SAP30BP: variants seen among roughly 807,000 people sequenced by gnomAD.
SAP30BP encodes the protein SAP30 binding protein, also known as SAP30-binding protein.
SAP30BP carries 31 observed loss-of-function variants against 46.3 expected under a neutral mutation model. The observed-to-expected ratio is 0.67, with a 90% CI of 0.50 to 0.90. The LOEUF (loss-of-function observed/expected upper bound fraction) is 0.90, where lower values mean the gene tolerates loss of function less well. Ranked by LOEUF, SAP30BP falls within the 40% of genes least tolerant of loss-of-function variation. The pLI is 0.00. For synonymous variants in SAP30BP, 169 were observed against 144.2 expected (o/e 1.17, Z -1.23); for missense variants, 312 against 391.0 (o/e 0.80, Z 1.70).
intron 5 of SAP30BP, 199 bp downstream of exon 5, chr17:75,700,070 G>T: frequency 2.3e-6 from 1 of 427,302 alleles, no homozygotes; most frequent in Non-Finnish European, 4.3e-6. Flanking sequence ...TACACCCACC[G>T]CCATGTCCCG....
chr17:75,692,712 G>T, intron 3 of SAP30BP: 1 of 158,232 alleles, frequency 6.3e-6, no homozygotes, highest in East Asian at 1.9e-4. Context: ...TGTGGATGTA[G>T]CTGTCATGGG....
intron 3 of SAP30BP, among the ~76,000 whole-genome samples, chr17:75,681,294 A>G (rs1478105713): frequency 6.6e-6 from 1 of 152,204 alleles, no homozygotes; most frequent in Non-Finnish European, 1.5e-5. Context: ...TAAGAGTTCC[A>G]GAGTGGGGGC....
intron 7 of SAP30BP, 79 bp downstream of exon 7, chr17:75,703,450 C>A: frequency 7.6e-7 from 1 of 1,319,734 alleles, no homozygotes; most frequent in Non-Finnish European, 1.1e-6. Flanking sequence ...TGACCTGCAG[C>A]CACAGAAAGG....
intron 3 of SAP30BP, among the ~76,000 whole-genome samples, chr17:75,673,214 T>A (rs1041764870): frequency 5.9e-5 from 9 of 152,054 alleles, no homozygotes; most frequent in African/African-American, 1.7e-4. Flanking sequence ...GGCGCCAGCA[T>A]GCAGGAGGGA....
intron 6 of SAP30BP, 44 bp from the exon 7 acceptor site, chr17:75,703,267 G>A (rs762009286): frequency 6.3e-7 from 1 of 1,596,210 alleles, no homozygotes. Flanking sequence ...TCCCATGCAG[G>A]GACGTGGACT....
intron 3 of SAP30BP, among the ~76,000 whole-genome samples, chr17:75,685,313 T>C (rs1025114340): frequency 1.3e-5 from 2 of 152,216 alleles, no homozygotes; most frequent in Non-Finnish European, 2.9e-5. Context: ...CTTCGTTCTG[T>C]ATTTTCATCC....
rs1445816849 is a variant in SAP30BP at position 75,684,210 on chromosome 17, C to T, written c.265-9230C>T. On this transcript the variant is annotated intron_variant, in intron 3 of 10. Coordinates refer to ENST00000584667, the MANE Select transcript of SAP30BP (RefSeq NM_013260.8). The stretch of plus-strand genomic sequence containing the variant: ...GGGTGAGCTGCTTCATTGTGTTTTA[C>T]CTCAGTTTACTCGTGTGCAAAATGG... 2.0e-5 allele frequency among the ~76,000 whole-genome samples: 3 copies of T among 152,296 alleles called. No homozygotes were observed. The East Asian group carries it at 5.8e-4, about 29-fold the overall frequency.
intron 3 of SAP30BP, among the ~76,000 whole-genome samples, chr17:75,688,946 C>A (rs191534745): frequency 6.6e-5 from 10 of 152,204 alleles, no homozygotes; most frequent in Non-Finnish European, 1.3e-4. Flanking sequence ...CCAGGGACAG[C>A]GCCCAGTGTG....
At chr17:75,696,226 T>C (rs2060315564) in intron 4 of SAP30BP, among the ~76,000 whole-genome samples, 1 of 152,160 alleles carries the variant, frequency 6.6e-6, no homozygotes, top group African/African-American at 2.4e-5. Context: ...CTTGAGGCTC[T>C]GTCTGCTTAC....
Position 75,705,849 on chromosome 17 carries a change from T to C in SAP30BP, c.661-159T>C, listed in dbSNP as rs79259043. ...AGTGAAAAGCCCCTTTGGGTTCTTCTTAGACATCTCGCCCTACCCCAGATG... is the reference window on the plus strand; with the variant it reads ...AGTGAAAAGCCCCTTTGGGTTCTTCCTAGACATCTCGCCCTACCCCAGATG... On this transcript the variant is annotated intron_variant, in intron 9 of 10. Coordinates refer to ENST00000584667, the MANE Select transcript of SAP30BP (RefSeq NM_013260.8). 3.0e-3 allele frequency: 3,432 copies of C among 1,162,384 alleles called. 68 individuals carry two copies. In the African/African-American group the frequency reaches 0.046, roughly 16 times the overall value. The allele number at this position is 1,162,384 out of a possible 1,614,324, so 72.0% of individuals were successfully genotyped here. A position where few individuals can be genotyped will look rare whatever the true frequency, so the allele number is the denominator to read the frequency against.
intron 3 of SAP30BP, among the ~76,000 whole-genome samples, chr17:75,676,952 A>G (rs2059999984): frequency 6.6e-6 from 1 of 152,230 alleles, no homozygotes; most frequent in East Asian, 1.9e-4. Context: ...GGGCATTGCT[A>G]TGTGTGCTTT....
At chr17:75,691,673 C>T (rs977510149) in intron 3 of SAP30BP, 31 of 350,004 alleles carry the variant, frequency 8.9e-5, no homozygotes, top group African/African-American at 5.6e-4. Context: ...TGGTATGGTG[C>T]GGAGCCTTGG....
intron 4 of SAP30BP, among the ~76,000 whole-genome samples, chr17:75,698,399 C>A (rs1256733414): frequency 1.3e-5 from 2 of 152,240 alleles, no homozygotes; most frequent in African/African-American, 4.8e-5. Context: ...CTTAGGGAAC[C>A]CTGAATTCTG....
chr17:75,703,634 C>T (rs1030122090), intron 7 of SAP30BP, 174 bp from the exon 8 acceptor site: 12 of 668,992 alleles, frequency 1.8e-5, no homozygotes, highest in Middle Eastern at 4.1e-4. Context: ...ATGGGGGCTT[C>T]GTGCTCCCAT....
chr17:75,698,932 C>A (rs914196170), intron 4 of SAP30BP, among the ~76,000 whole-genome samples: 1 of 152,216 alleles, frequency 6.6e-6, no homozygotes, highest in African/African-American at 2.4e-5. Flanking sequence ...GTGGCTCATA[C>A]CCATAATCCC....
chr17:75,704,010 G>C, intron 8 of SAP30BP, 151 bp downstream of exon 8: 1 of 686,954 alleles, frequency 1.5e-6, no homozygotes, highest in Non-Finnish European at 2.6e-6. Context: ...GAATGAGACA[G>C]ACCCACCCCT....
intron 3 of SAP30BP, among the ~76,000 whole-genome samples, chr17:75,683,066 A>T (rs1321185886): frequency 7.3e-6 from 1 of 137,648 alleles, no homozygotes; most frequent in Admixed American, 7.5e-5. Flanking sequence ...TTTTTTTGAG[A>T]CAGAGTCTCA....
intron 9 of SAP30BP, chr17:75,705,579 C>G: frequency 2.0e-6 from 2 of 1,009,518 alleles, no homozygotes; most frequent in Non-Finnish European, 2.4e-6. Context: ...AATCTCCCTT[C>G]TCTCTCTTTC....
At chr17:75,685,532 C>T (rs895491533) in intron 3 of SAP30BP, among the ~76,000 whole-genome samples, 4 of 152,106 alleles carry the variant, frequency 2.6e-5, no homozygotes, top group Non-Finnish European at 5.9e-5. Flanking sequence ...TCAGGGACTG[C>T]GAGTATATTT....
Sources: gnomAD v4.1 joint callset for allele counts (sites outside exome capture counted in the v4.1 genomes callset) on GRCh38, gnomAD v4.1.1 for gene constraint, MANE v1.5 for transcripts, NCBI Gene and HGNC (gene_info 2026-07-23, HGNC 2026-07-21) for gene names.